ZNF69: variants seen among roughly 807,000 people sequenced by gnomAD.
ZNF69 encodes the protein zinc finger protein 69.
ZNF69 carries 47 observed loss-of-function variants against 50.9 expected under a neutral mutation model. The observed-to-expected ratio is 0.92, with a 90% confidence interval of 0.73 to 1.18. The LOEUF (loss-of-function observed/expected upper bound fraction) is 1.18, where lower values mean the gene tolerates loss of function less well. Among genes scored for constraint, ZNF69 ranks in the 50% most tolerant of loss-of-function variants. The pLI is 0.00. For missense variants in ZNF69, 717 were observed against 675.1 expected (o/e 1.06, Z -0.69); for synonymous variants, 216 against 223.1 (o/e 0.97, Z 0.29).
chr19:11,920,974 C>T, the ZNF69 span, among the ~76,000 whole-genome samples: 1 of 152,140 alleles, frequency 6.6e-6, no homozygotes, highest in African/African-American at 2.4e-5. Context: ...AGTTACAGCT[C>T]TACCCTCCAA....
the ZNF69 span, chr19:11,978,084 A>G: frequency 6.3e-7 from 1 of 1,597,048 alleles, no homozygotes; most frequent in Non-Finnish European, 8.5e-7. Flanking sequence ...TTACTCATAA[A>G]CCCTTCATAA....
chr19:11,934,822 G>A, the ZNF69 span, among the ~76,000 whole-genome samples: 6 of 147,668 alleles, frequency 4.1e-5, 1 homozygote, highest in South Asian at 4.2e-4. Context: ...CACTGCGCCC[G>A]GCCTGTTTTC....
intron 1 of ZNF69, among the ~76,000 whole-genome samples, chr19:11,898,514 C>T (rs756773838): frequency 2.6e-5 from 4 of 151,634 alleles, no homozygotes; most frequent in Admixed American, 6.6e-5. Flanking sequence ...CCTCAGCCTC[C>T]GGAGTAGCTG....
At chr19:11,979,622 C>T in the ZNF69 span, 1 of 1,605,820 alleles carries the variant, frequency 6.2e-7, no homozygotes, top group African/African-American at 1.3e-5. Context: ...TGGAGAGAAA[C>T]CCTATGAGTG....
At chr19:11,925,146 G>T in the ZNF69 span, 1 of 1,594,932 alleles carries the variant, frequency 6.3e-7, no homozygotes, top group Non-Finnish European at 8.6e-7. Context: ...TTGGTAACCG[G>T]TCAGACCAGC....
chr19:11,979,087 C>G, the ZNF69 span: 1 of 1,614,028 alleles, frequency 6.2e-7, no homozygotes, highest in Middle Eastern at 1.6e-4. Context: ...CCTAAGAATG[C>G]GCTCTGGAGA....
At chr19:11,925,305 G>C in the ZNF69 span, 9 of 1,608,410 alleles carry the variant, frequency 5.6e-6, no homozygotes, top group South Asian at 9.9e-5. Flanking sequence ...TCGTGAGACG[G>C]GGGAGGGGCT....
chr19:11,892,635 A>G (rs1389319792), intron 1 of ZNF69, among the ~76,000 whole-genome samples: 1 of 152,132 alleles, frequency 6.6e-6, no homozygotes, highest in African/African-American at 2.4e-5. Flanking sequence ...AAAAGTGAAG[A>G]GGGAAAGGGT....
the ZNF69 span, chr19:11,978,729 A>G: frequency 6.2e-7 from 1 of 1,613,980 alleles, no homozygotes; most frequent in Non-Finnish European, 8.5e-7. Flanking sequence ...CCATAGTTCC[A>G]GTTCTTTTCA....
chr19:11,944,231 G>A, the ZNF69 span, among the ~76,000 whole-genome samples: 354 of 152,274 alleles, frequency 2.3e-3, 4 homozygotes, highest in African/African-American at 7.9e-3. Context: ...CTCAGGGAGT[G>A]CCTGGAAGTC....
chr19:11,924,641 G>A, the ZNF69 span, among the ~76,000 whole-genome samples: 1 of 152,102 alleles, frequency 6.6e-6, no homozygotes, highest in Non-Finnish European at 1.5e-5. Flanking sequence ...GGATGGGGGT[G>A]TGTGAGCAAG....
the ZNF69 span, among the ~76,000 whole-genome samples, chr19:11,974,574 G>C: frequency 1.3e-5 from 2 of 149,770 alleles, no homozygotes; most frequent in Admixed American, 6.7e-5. Flanking sequence ...CATTCTTTAG[G>C]GGGAGGTATA....
At chr19:11,893,342 G>A (rs1411197614) in intron 1 of ZNF69, among the ~76,000 whole-genome samples, 1 of 152,136 alleles carries the variant, frequency 6.6e-6, no homozygotes, top group African/African-American at 2.4e-5. Flanking sequence ...AATCTCCAGG[G>A]AGACTGTTTT....
At chr19:11,970,051 C>A in the ZNF69 span, among the ~76,000 whole-genome samples, 54 of 152,140 alleles carry the variant, frequency 3.5e-4, no homozygotes, top group Non-Finnish European at 5.7e-4. Flanking sequence ...CAGCTGAATG[C>A]CTTATGGTGG....
rs1404624276 is a variant in ZNF69 at position 11,888,497 on chromosome 19, GT to G, written c.63+514del. Among the ~76,000 whole-genome samples, 7 of 152,204 alleles carry G rather than the reference GT, an allele frequency of 4.6e-5. No individual in the cohort carries two copies. The East Asian group carries it at 1.3e-3, about 29-fold the overall frequency. On this transcript the variant is annotated intron_variant, in intron 1 of 3. Transcript: ENST00000429654. ...AAGCCAAACTATGTAAAATAAAGAA[GT>G]TTATTCGGAGCCGAATAGGAGAGAC... is the stretch of plus-strand genomic sequence containing the variant.
chr19:11,973,501 C>A, the ZNF69 span, among the ~76,000 whole-genome samples: 1 of 152,136 alleles, frequency 6.6e-6, no homozygotes, highest in African/African-American at 2.4e-5. Flanking sequence ...TCTTGTGAGC[C>A]ACCACGTTCG....
At chr19:11,928,271 T>TA in the ZNF69 span, among the ~76,000 whole-genome samples, 1 of 152,174 alleles carries the variant, frequency 6.6e-6, no homozygotes, top group Non-Finnish European at 1.5e-5. Flanking sequence ...CAGATACAGA[T>TA]ATCAGCCACT....
At chr19:11,934,852 C>T in the ZNF69 span, among the ~76,000 whole-genome samples, 1 of 147,236 alleles carries the variant, frequency 6.8e-6, no homozygotes, top group Non-Finnish European at 1.5e-5. Flanking sequence ...TTTAATGACA[C>T]GTGATGTAGA....
the ZNF69 span, among the ~76,000 whole-genome samples, chr19:11,974,130 C>CT: frequency 0.025 from 2,056 of 81,418 alleles, 21 homozygotes; most frequent in African/African-American, 0.029. Context: ...TCTTTCTTTT[C>CT]TTTCTTTCTT....
Sources: gnomAD v4.1 joint callset for allele counts (sites outside exome capture counted in the v4.1 genomes callset) on GRCh38, gnomAD v4.1.1 for gene constraint, MANE v1.5 for transcripts, NCBI Gene and HGNC (gene_info 2026-07-23, HGNC 2026-07-21) for gene names.